Variants in INPP4B observed in about 807,000 individuals in gnomAD.
INPP4B encodes inositol polyphosphate-4-phosphatase type II B, also known as inositol polyphosphate 4-phosphatase type II.
INPP4B carries 55 observed loss-of-function variants against 122.5 expected under a neutral mutation model. That is an observed-to-expected ratio of 0.45 (90% CI 0.36 to 0.56). The LOEUF (loss-of-function observed/expected upper bound fraction) is 0.56, where lower values mean the gene tolerates loss of function less well. INPP4B is among the 20% of genes least tolerant of loss of function. The pLI, the probability that INPP4B is intolerant of heterozygous loss-of-function variation, is 0.00. For missense variants in INPP4B, 1,000 were observed against 1,097.7 expected (o/e 0.91, Z 1.26); for synonymous variants, 403 against 388.7 (o/e 1.04, Z -0.43).
At chr4:142,421,914 C>A (rs1197125276) in intron 5 of INPP4B, among the ~76,000 whole-genome samples, 1 of 152,082 alleles carries the variant, frequency 6.6e-6, no homozygotes, top group Non-Finnish European at 1.5e-5. Context: ...CTCATCACCT[C>A]CTGAAAACTC....
intron 1 of INPP4B, among the ~76,000 whole-genome samples, chr4:142,733,386 C>T (rs1377203055): frequency 1.3e-5 from 2 of 151,950 alleles, no homozygotes; most frequent in Non-Finnish European, 2.9e-5. Context: ...TAAAAAGAAA[C>T]CTGCAATACT....
intron 1 of INPP4B, among the ~76,000 whole-genome samples, chr4:142,785,137 A>G (rs1320864659): frequency 6.6e-6 from 1 of 152,140 alleles, no homozygotes; most frequent in Non-Finnish European, 1.5e-5. Flanking sequence ...AACAGAGGAG[A>G]AAACAACAAG....
At chr4:142,072,488 A>G (rs902768444) in intron 25 of INPP4B, among the ~76,000 whole-genome samples, 2 of 152,096 alleles carry the variant, frequency 1.3e-5, no homozygotes, top group Admixed American at 6.6e-5. Flanking sequence ...AATAAAAAAA[A>G]AAGTAAATAA....
Position 142,208,332 on chromosome 4 carries a change from G to A in INPP4B, c.1072+93C>T, listed in dbSNP as rs928077941. 7.2e-6 allele frequency: 4 copies of A among 555,378 alleles called. No individual in the cohort carries two copies. In the African/African-American group the frequency reaches 7.8e-5, roughly 11 times the overall value. The allele number at this position is 555,378 out of a possible 1,614,324, so 34.4% of individuals were successfully genotyped here. On this transcript the variant is annotated intron_variant, in intron 14 of 25. Coordinates refer to ENST00000262992, the MANE Select transcript of INPP4B (RefSeq NM_001101669.3). ...GTTTCATTTTCAACTTTATATAATTGTTAAACTTTTGAATTCTGCCAATAG... is the reference window on the plus strand; with the variant it reads ...GTTTCATTTTCAACTTTATATAATTATTAAACTTTTGAATTCTGCCAATAG...
At chr4:142,203,843 GA>G (rs112609091) in intron 14 of INPP4B, among the ~76,000 whole-genome samples, 4,606 of 149,106 alleles carry the variant, frequency 0.031, 216 homozygotes, top group African/African-American at 0.11. Context: ...TGGTAAAGAT[GA>G]AAAAAAAAAT....
chr4:142,786,079 T>C (rs1436391891), intron 1 of INPP4B, among the ~76,000 whole-genome samples: 1 of 152,104 alleles, frequency 6.6e-6, no homozygotes, highest in Non-Finnish European at 1.5e-5. Flanking sequence ...TGAGAGGACC[T>C]AAATGAAATG....
intron 16 of INPP4B, among the ~76,000 whole-genome samples, chr4:142,167,382 G>T (rs1206647311): frequency 6.6e-6 from 1 of 151,694 alleles, no homozygotes; most frequent in African/African-American, 2.4e-5. Context: ...ACACATACTG[G>T]GGACTTTGGG....
chr4:142,331,991 G>A (rs2151548319), intron 7 of INPP4B, among the ~76,000 whole-genome samples: 1 of 152,300 alleles, frequency 6.6e-6, no homozygotes, highest in East Asian at 1.9e-4. Flanking sequence ...CAGGGTTTCT[G>A]TGTTGAAGTC....
At chr4:142,100,094 G>A (rs1783816459) in intron 23 of INPP4B, among the ~76,000 whole-genome samples, 1 of 152,076 alleles carries the variant, frequency 6.6e-6, no homozygotes. Flanking sequence ...GTAGCACAGG[G>A]GTCGATGATG....
intron 7 of INPP4B, among the ~76,000 whole-genome samples, chr4:142,371,181 C>A (rs1789749708): frequency 6.6e-6 from 1 of 151,998 alleles, no homozygotes; most frequent in Admixed American, 6.6e-5. Context: ...GGAAAGGACA[C>A]CCTTTTCAAT....
intron 2 of INPP4B, among the ~76,000 whole-genome samples, chr4:142,628,553 A>T (rs1747112752): frequency 9.8e-6 from 1 of 101,798 alleles, no homozygotes; most frequent in Non-Finnish European, 2.1e-5. Context: ...CCTAAAACTT[A>T]AAGTAAAAAA....
At chr4:142,656,798 T>G (rs1299175946) in intron 2 of INPP4B, among the ~76,000 whole-genome samples, 1 of 152,218 alleles carries the variant, frequency 6.6e-6, no homozygotes, top group Non-Finnish European at 1.5e-5. Flanking sequence ...TTAAAGATTT[T>G]TTTTTCCTTT....
At chr4:142,057,782 C>A (rs1057230154) in intron 25 of INPP4B, among the ~76,000 whole-genome samples, 3 of 152,100 alleles carry the variant, frequency 2.0e-5, no homozygotes, top group Non-Finnish European at 4.4e-5. Flanking sequence ...AGTGCCCATT[C>A]TGCTTATTAA....
intron 2 of INPP4B, among the ~76,000 whole-genome samples, chr4:142,516,807 A>T (rs1825474890): frequency 6.6e-6 from 1 of 151,228 alleles, no homozygotes; most frequent in Non-Finnish European, 1.5e-5. Flanking sequence ...GGTTGGCTGC[A>T]TCCCTCTGTT....
intron 1 of INPP4B, among the ~76,000 whole-genome samples, chr4:142,805,567 A>G (rs1778577439): frequency 6.6e-6 from 1 of 152,136 alleles, no homozygotes; most frequent in Admixed American, 6.5e-5. Context: ...CATCCCTGAG[A>G]CAGCAAGACC....
intron 2 of INPP4B, among the ~76,000 whole-genome samples, chr4:142,571,889 T>C (rs527580253): frequency 1.3e-5 from 2 of 152,260 alleles, no homozygotes; most frequent in Admixed American, 6.6e-5. Context: ...GCCTGGTATA[T>C]AGAAAGCACT....
At chr4:142,572,483 C>T (rs1452977466) in intron 2 of INPP4B, among the ~76,000 whole-genome samples, 1 of 152,020 alleles carries the variant, frequency 6.6e-6, no homozygotes, top group African/African-American at 2.4e-5. Context: ...TTCTAACAAC[C>T]ACAACACTAT....
intron 2 of INPP4B, among the ~76,000 whole-genome samples, chr4:142,526,114 G>A (rs952426355): frequency 6.6e-6 from 1 of 152,012 alleles, no homozygotes; most frequent in African/African-American, 2.4e-5. Context: ...GATTTTAATA[G>A]TAGGAATCCC....
In INPP4B at chr4:142,108,159, T is replaced by C; in HGVS notation, c.2308A>G (p.Asn770Asp). The C allele has an allele frequency of 6.2e-7, 1 of 1,600,712 alleles. No homozygotes were observed. Among genetic ancestry groups the C allele is most frequent in the Non-Finnish European group, 8.6e-7 (1 of 1,168,878 alleles). ...TGTAGAAGTTCGAAGTTTTCCTGAT[T>C]AATACTTTCTTGCAAAGAGACATCT... ...FGDVSLQESI[N>D]QENFELLQEY... The change falls in exon 23 of 26, where the codon AAT becomes GAT. Residue 770 changes from asparagine to aspartate, a missense_variant. Transcript: ENST00000262992.
Sources: gnomAD v4.1 joint callset for allele counts (sites outside exome capture counted in the v4.1 genomes callset) on GRCh38, gnomAD v4.1.1 for gene constraint, MANE v1.5 for transcripts, NCBI Gene and HGNC (gene_info 2026-07-23, HGNC 2026-07-21) for gene names.